Variants in TXLNA observed in about 807,000 individuals in gnomAD.
The protein encoded by TXLNA is alpha-taxilin.
Under a neutral mutation model 61.4 loss-of-function variants are expected in TXLNA, and 9 were observed. That is an observed-to-expected ratio of 0.15 (90% CI 0.09 to 0.26). TXLNA has a LOEUF of 0.26. Among genes scored for constraint, TXLNA ranks in the 10% least tolerant of loss-of-function variants. TXLNA has a pLI of 1.00. For synonymous variants in TXLNA, 257 were observed against 267.7 expected (o/e 0.96, Z 0.39); for missense variants, 565 against 688.8 (o/e 0.82, Z 2.01).
chr1:32,192,194 T>C lies in TXLNA; in HGVS notation c.964-117T>C. 1 of 1,442,064 alleles carries C rather than the reference T, an allele frequency of 6.9e-7. No individual in the cohort carries two copies. The highest frequency in any genetic ancestry group is 9.5e-7 in the Non-Finnish European group (1 of 1,057,100). 89.3% of individuals were successfully genotyped at this position (1,442,064 alleles called of 1,614,324 possible). ...CCATGTTGTGTGGTACACATGGGAG[T>C]CCATCATATCAGATTGAGATGGGGG... On this transcript the variant is annotated intron_variant, in intron 6 of 10. Transcript: ENST00000373610. This position sits in a 1 kb window ranked among gnomAD's most constrained non-coding sequence, Gnocchi z 4.2.
In TXLNA at chr1:32,195,709, C is replaced by T. The variant is rs1029872744; in HGVS notation, c.*514C>T. On this transcript the variant is annotated 3_prime_UTR_variant, in exon 11 of 11. Transcript: ENST00000373610. The stretch of plus-strand genomic sequence containing the variant: ...GATTCTCTAGACCTGGAAAAGGTGT[C>T]CCTAGGCAGAGCCCTGGCAGGGCGC... The T allele has an allele frequency of 8.8e-6, 4 of 456,384 alleles. No homozygotes were observed. Among genetic ancestry groups the T allele is most frequent in the Non-Finnish European group, 8.8e-6 (2 of 227,136 alleles). The allele number at this position is 456,384 out of a possible 1,614,324, so 28.3% of individuals were successfully genotyped here.
Position 32,192,215 on chromosome 1 carries a change from G to T in TXLNA, c.964-96G>T, listed in dbSNP as rs1458067892. 18 of 1,537,212 alleles carry T rather than the reference G, an allele frequency of 1.2e-5. No individual in the cohort carries two copies. The highest frequency in any genetic ancestry group is 2.7e-6 in the Non-Finnish European group (3 of 1,131,012). On this transcript the variant is annotated intron_variant, in intron 6 of 10. Coordinates refer to ENST00000373610, the MANE Select transcript of TXLNA (RefSeq NM_175852.4). This position sits in a 1 kb window ranked among gnomAD's most constrained non-coding sequence, Gnocchi z 4.2. ...GGAGTCCATCATATCAGATTGAGAT[G>T]GGGGGCTGGGCAAAGTGCCCTGGTC... is the stretch of plus-strand genomic sequence containing the variant.
At chr1:32,180,588 G>T in intron 2 of TXLNA, 74 bp downstream of exon 2, 1 of 1,487,116 alleles carries the variant, frequency 6.7e-7, no homozygotes, top group South Asian at 1.3e-5. Context: ...GGACTTACAG[G>T]CCGAGGCCAG....
At position 32,196,231 on chromosome 1, in the gene TXLNA, A is replaced by G. The variant is rs1281972614; in HGVS notation, c.*1036A>G. On this transcript the variant is annotated 3_prime_UTR_variant, in exon 11 of 11. Transcript: ENST00000373610. The stretch of plus-strand genomic sequence containing the variant: ...TGCCACAAGCTTACCTGTGGGTTTC[A>G]GTCCTGAGAGGCCACCACCAGTTCC... The G allele has an allele frequency of 6.5e-6, 1 of 153,306 alleles. No homozygotes were observed. The highest frequency in any genetic ancestry group is 6.5e-5 in the Admixed American group (1 of 15,316). The allele number at this position is 153,306 out of a possible 1,614,324, so 9.5% of individuals were successfully genotyped here. A position where few individuals can be genotyped will look rare whatever the true frequency, so the allele number is the denominator to read the frequency against.
rs1279263061 is a variant in TXLNA at position 32,183,225 on chromosome 1, A to G, written c.506-1300A>G. 2.0e-3 allele frequency among the ~76,000 whole-genome samples: 268 copies of G among 136,334 alleles called. No homozygotes were observed. In the Middle Eastern group the frequency reaches 0.035, roughly 18 times the overall value. The allele number at this position is 136,334 out of a possible 152,430, so 89.4% of individuals were successfully genotyped here. Reference sequence around the variant, plus strand: ...TGCAAGCTCCGCCTCCCGGGTTCACACCATTCTCCTGCCTCAGCCTCCCGA... The same window carrying G: ...TGCAAGCTCCGCCTCCCGGGTTCACGCCATTCTCCTGCCTCAGCCTCCCGA... On this transcript the variant is annotated intron_variant, in intron 3 of 10. Coordinates refer to ENST00000373610, the MANE Select transcript of TXLNA (RefSeq NM_175852.4).
At chr1:32,180,670 AGTT>A (rs1642636040) in intron 2 of TXLNA, among the ~76,000 whole-genome samples, 156 bp downstream of exon 2, 1 of 152,234 alleles carries the variant, frequency 6.6e-6, no homozygotes, top group African/African-American at 2.4e-5. Context: ...CGCTCTGGCG[AGTT>A]GGCGGAGCTG....
chr1:32,188,122 A>G lies in TXLNA; in HGVS notation c.766A>G (p.Lys256Glu). The G allele has an allele frequency of 6.4e-7, 1 of 1,553,856 alleles. No homozygotes were observed. The highest frequency in any genetic ancestry group is 8.7e-7 in the Non-Finnish European group (1 of 1,147,112). Residue 256 changes from lysine to glutamate, a missense_variant and splice_region_variant, in exon 5 of 11, where the codon AAG becomes GAG. Lys to Glu is a moderately conservative substitution (Grantham distance 56). Coordinates refer to ENST00000373610, the MANE Select transcript of TXLNA (RefSeq NM_175852.4). ...GCTGCAGCGGCACAACCGCTCCCTC[A>G]AGGTAGGCCTGGGCCCCCTGGAACA... ...RELQRHNRSL[K>E]EEGVQRAREE...
rs1642655109 is a variant in TXLNA, at chr1:32,181,365, A to T, written c.293A>T (p.Asp98Val). The T allele has an allele frequency of 1.2e-6, 2 of 1,614,074 alleles. No homozygotes were observed. The highest frequency in any genetic ancestry group is 1.3e-5 in the African/African-American group (1 of 74,926). Reference sequence around the variant, plus strand: ...AATAACCAGGGGGGCCCCGGCGAGGATGGGGCACAGGGTGAGCCGGCTGAA... The same window carrying T: ...AATAACCAGGGGGGCCCCGGCGAGGTTGGGGCACAGGGTGAGCCGGCTGAA... Reference protein sequence around the residue: ...VDNNQGGPGEDGAQGEPAEPE... With the variant: ...VDNNQGGPGEVGAQGEPAEPE... The change falls in exon 3 of 11, where the codon GAT (aspartate) becomes GTT (valine). Residue 98 changes from aspartate (D) to valine (V), a missense_variant. Around this residue, in one of 2 missense-constraint regions of TXLNA, gnomAD observed 192 missense variants for 184.8 expected, o/e 1.04. Transcript: ENST00000373610.
At chr1:32,194,711 C>T (rs1456247784) in intron 10 of TXLNA, among the ~76,000 whole-genome samples, 191 bp from the exon 11 acceptor site, 6 of 152,080 alleles carry the variant, frequency 3.9e-5, no homozygotes, top group Admixed American at 2.0e-4. Context: ...ATCTCCAAGC[C>T]GTGCCCCTTT....
chr1:32,194,073 G>A lies in TXLNA; in HGVS notation c.1260G>A (p.Lys420=). The A allele has an allele frequency of 6.2e-7, 1 of 1,613,270 alleles. No homozygotes were observed. Among genetic ancestry groups the A allele is most frequent in the African/African-American group, 1.3e-5 (1 of 75,012 alleles). ...TCTGTCACATAACCTAGATGACTAA[G>A]AAGATCAAGAAGCTGGAGAAAGAAA... ...TFKQEMEKMT[K]KIKKLEKETT... The change falls in exon 10 of 11, where the codon AAG becomes AAA. Residue 420 remains lysine, a synonymous_variant. Coordinates refer to ENST00000373610, the MANE Select transcript of TXLNA (RefSeq NM_175852.4).
At position 32,195,971 on chromosome 1, in the gene TXLNA, CTTTTTCTTTTTTTTTT is replaced by C. The variant is rs1252912662; in HGVS notation, c.*788_*803del. The stretch of plus-strand genomic sequence containing the variant: ...TCTGAAGGTGTTTTTTTCTTTATTT[CTTTTTCTTTTTTTTTT>C]TTTTTCTTTTTCTTTTTTTTTTGCA... On this transcript the variant is annotated 3_prime_UTR_variant, in exon 11 of 11. Coordinates refer to ENST00000373610, the MANE Select transcript of TXLNA (RefSeq NM_175852.4). The C allele has an allele frequency of 4.8e-5, 8 of 167,036 alleles. No homozygotes were observed. Among genetic ancestry groups the C allele is most frequent in the Non-Finnish European group, 8.8e-5 (7 of 79,598 alleles). 10.3% of individuals were successfully genotyped at this position (167,036 alleles called of 1,614,324 possible).
Position 32,180,296 on chromosome 1 carries a change from C to T in TXLNA, c.-32-18C>T. 1 of 1,543,394 alleles carries T rather than the reference C, an allele frequency of 6.5e-7. No homozygotes were observed. Among genetic ancestry groups the T allele is most frequent in the African/African-American group, 1.4e-5 (1 of 72,064 alleles). On this transcript the variant is annotated intron_variant, in intron 1 of 10. Coordinates refer to ENST00000373610, the MANE Select transcript of TXLNA (RefSeq NM_175852.4). ...AATTTCGAAGTCTGGAAAATAGCAA[C>T]TGTGTTTGTTTCTAAAGGATCTTCT...
At chr1:32,183,939 C>T (rs1364607229) in intron 3 of TXLNA, among the ~76,000 whole-genome samples, 1 of 148,958 alleles carries the variant, frequency 6.7e-6, no homozygotes, top group Non-Finnish European at 1.5e-5. Context: ...GATGGGGTTT[C>T]ACCATGTTAG....
At chr1:32,185,761 C>T (rs1480703625) in intron 4 of TXLNA, among the ~76,000 whole-genome samples, 7 of 151,090 alleles carry the variant, frequency 4.6e-5, no homozygotes, top group African/African-American at 1.5e-4. Flanking sequence ...TGCAGTGGCG[C>T]GATCTCGGCT....
chr1:32,192,866 C>T lies in TXLNA; in HGVS notation c.1158+135C>T. 1.2e-6 allele frequency: 1 copy of T among 858,246 alleles called. No individual in the cohort carries two copies. Among genetic ancestry groups the T allele is most frequent in the Non-Finnish European group, 1.8e-6 (1 of 542,112 alleles). 53.2% of individuals were successfully genotyped at this position (858,246 alleles called of 1,614,324 possible). A position where few individuals can be genotyped will look rare whatever the true frequency, so the allele number is the denominator to read the frequency against. On this transcript the variant is annotated intron_variant, in intron 8 of 10. Transcript: ENST00000373610. This position sits in a 1 kb window ranked among gnomAD's most constrained non-coding sequence, Gnocchi z 4.2. ...ATGACGCCTTGGTTGAGCCTTTGTT[C>T]TCTCCGGACCTGCACAGTACCTATG...
rs115599295 is a variant in TXLNA, at chr1:32,196,942, T to G, written c.*1747T>G. On this transcript the variant is annotated 3_prime_UTR_variant, in exon 11 of 11. Coordinates refer to ENST00000373610, the MANE Select transcript of TXLNA (RefSeq NM_175852.4). ...GATCTGCATCAGAGTTGCCTGCTAT[T>G]CTCTGGTGTATCCTTCACATCTAGG... 6.6e-6 allele frequency: 1 copy of G among 152,252 alleles called. No homozygotes were observed. Among genetic ancestry groups the G allele is most frequent in the Non-Finnish European group, 1.5e-5 (1 of 68,042 alleles). The allele number at this position is 152,252 out of a possible 1,614,324, so 9.4% of individuals were successfully genotyped here.
Position 32,190,173 on chromosome 1 carries a change from C to T in TXLNA, c.887C>T (p.Ser296Phe). 6.2e-7 allele frequency: 1 copy of T among 1,601,950 alleles called. No homozygotes were observed. Among genetic ancestry groups the T allele is most frequent in the Non-Finnish European group, 8.5e-7 (1 of 1,174,094 alleles). Reference protein sequence around the residue: ...LQMEQHNERNSKLRQENMELA... With the variant: ...LQMEQHNERNFKLRQENMELA... ...ATGGAACAGCACAATGAGCGCAACT[C>T]CAAGCTGCGCCAAGAGAACATGGAG... Residue 296 changes from serine (S) to phenylalanine (F), a missense_variant, in exon 6 of 11, where the codon TCC becomes TTC. Ser to Phe is a radical substitution (Grantham distance 155). Coordinates refer to ENST00000373610, the MANE Select transcript of TXLNA (RefSeq NM_175852.4).
chr1:32,194,329 G>C (rs138728116), intron 10 of TXLNA, among the ~76,000 whole-genome samples, 169 bp downstream of exon 10: 3 of 152,320 alleles, frequency 2.0e-5, no homozygotes, highest in Non-Finnish European at 4.4e-5. Flanking sequence ...ATGGGAGGTG[G>C]TGAGCCCAGT....
In TXLNA at chr1:32,194,143, C is replaced by A; in HGVS notation, c.1330C>A (p.Leu444Ile). The A allele has an allele frequency of 6.2e-7, 1 of 1,613,776 alleles. No individual in the cohort carries two copies. Among genetic ancestry groups the A allele is most frequent in the Non-Finnish European group, 8.5e-7 (1 of 1,179,824 alleles). ...GTGGGAGAGCAGCAACAAGGCCCTG[C>A]TTGAGATGGCTGAGGAGGTGGGCTG... is the stretch of plus-strand genomic sequence containing the variant. ...SRWESSNKAL[L>I]EMAEEKTVRD... Residue 444 changes from leucine (L) to isoleucine (I), a missense_variant, in exon 10 of 11, where the codon CTT becomes ATT. Leu to Ile is a conservative substitution (Grantham distance 5). This residue lies in a region of TXLNA where 373 missense variants were observed against 504.0 expected (regional missense o/e 0.74). Coordinates refer to ENST00000373610, the MANE Select transcript of TXLNA (RefSeq NM_175852.4).
Sources: allele counts gnomAD v4.1 joint callset (sites outside exome capture counted in the v4.1 genomes callset), GRCh38; gene constraint gnomAD v4.1.1; regional missense constraint gnomAD v4.1.1; non-coding constraint Gnocchi (gnomAD v3.1); transcripts MANE v1.5; gene names NCBI Gene and HGNC (gene_info 2026-07-23, HGNC 2026-07-21).